LAMA5: variants seen among roughly 807,000 people sequenced by gnomAD.
LAMA5 encodes laminin subunit alpha-5.
LAMA5 carries 260 observed loss-of-function variants against 433.4 expected under a neutral mutation model. The ratio of observed to expected loss-of-function variants is 0.60; its 90% CI spans 0.54 to 0.66. The LOEUF (loss-of-function observed/expected upper bound fraction) is 0.66, where lower values mean the gene tolerates loss of function less well. Ranked by LOEUF, LAMA5 falls within the 30% of genes least tolerant of loss-of-function variation. The pLI is 0.00. For synonymous variants in LAMA5, 2,620 were observed against 2,226.6 expected, an observed-to-expected ratio of 1.18 and a Z score of -4.97; for missense variants, 5,378 against 5,258.5, an observed-to-expected ratio of 1.02 and a Z score of -0.70.
In LAMA5 at chr20:62,333,805, C is replaced by G. The variant is rs1177048614; in HGVS notation, c.2878+96G>C. 7 of 1,427,454 alleles carry G rather than the reference C, an allele frequency of 4.9e-6. No homozygotes were observed. The East Asian group carries it at 1.3e-4, about 27-fold the overall frequency. 88.4% of individuals were successfully genotyped at this position (1,427,454 alleles called of 1,614,324 possible). A position where few individuals can be genotyped will look rare whatever the true frequency, so the allele number is the denominator to read the frequency against. ...GGGGATAGGCTGGTCCTACCACCCA[C>G]ATGAGCCAGAGGAAGGTGGCGGGGC... On this transcript the variant is annotated intron_variant, in intron 23 of 79. Transcript: ENST00000252999.
chr20:62,328,483 C>A (rs1325821631), intron 34 of LAMA5, 38 bp from the exon 35 acceptor site: 2 of 1,449,924 alleles, frequency 1.4e-6, no homozygotes, highest in Non-Finnish European at 1.8e-6. Flanking sequence ...CCCCTCTTCC[C>A]AGTCCCGCCC....
chr20:62,361,418 C>T lies in LAMA5; in HGVS notation c.450+982G>A, dbSNP rs374711081. 1.7e-4 allele frequency among the ~76,000 whole-genome samples: 26 copies of T among 152,334 alleles called. No individual in the cohort carries two copies. The East Asian group carries it at 2.5e-3, about 15-fold the overall frequency. ...CCCTCCCCTCACTGCCTGCCCAGCC[C>T]GGGCCAGGCCTGCAGACCACCAAGG... On this transcript the variant is annotated intron_variant, in intron 2 of 79. Coordinates refer to ENST00000252999, the MANE Select transcript of LAMA5 (RefSeq NM_005560.6).
chr20:62,337,868 G>C lies in LAMA5; in HGVS notation c.1962C>G (p.Pro654=). ...CGAGGLCRCR[P]GYTGTACQEC... Reference sequence around the variant, plus strand: ...CCTGGCAGGCAGTGCCTGTGTAGCCGGGGCGGCAGCGGCACAAACCTCCCG... The same window carrying C: ...CCTGGCAGGCAGTGCCTGTGTAGCCCGGGCGGCAGCGGCACAAACCTCCCG... The change falls in exon 15 of 80, where the codon CCC becomes CCG. Residue 654 remains proline, a synonymous_variant. Coordinates refer to ENST00000252999, the MANE Select transcript of LAMA5 (RefSeq NM_005560.6). 2 of 1,612,572 alleles carry C rather than the reference G, an allele frequency of 1.2e-6. No homozygotes were observed. The highest frequency in any genetic ancestry group is 1.3e-5 in the African/African-American group (1 of 75,042).
chr20:62,330,416 C>T, intron 31 of LAMA5, 72 bp downstream of exon 31: 1 of 1,459,454 alleles, frequency 6.9e-7, no homozygotes, highest in Non-Finnish European at 9.1e-7. Flanking sequence ...GTAGCACAGG[C>T]CACGCTGTGG....
rs367723036 is a variant in LAMA5, at chr20:62,362,565, C to A, written c.298-13G>T. 2 of 1,520,396 alleles carry A rather than the reference C, an allele frequency of 1.3e-6. No individual in the cohort carries two copies. The highest frequency in any genetic ancestry group is 1.8e-6 in the Non-Finnish European group (2 of 1,129,030). The allele number at this position is 1,520,396 out of a possible 1,614,324, so 94.2% of individuals were successfully genotyped here. ...CACAGTACTGGCCCTGCAGAGGGAA[C>A]GGGAGGGTCAGATAGCCGAGAAGGG... is the stretch of plus-strand genomic sequence containing the variant. On this transcript the variant is annotated splice_polypyrimidine_tract_variant and intron_variant, in intron 1 of 79. Transcript: ENST00000252999.
chr20:62,340,307 T>G (rs1305898014), intron 11 of LAMA5, among the ~76,000 whole-genome samples: 3 of 66,784 alleles, frequency 4.5e-5, no homozygotes, highest in African/African-American at 2.0e-4. Context: ...CCTCCTTTGT[T>G]TTTTTTTTTT....
rs752360446 is a variant in LAMA5, at chr20:62,338,596, C to T, written c.1490G>A (p.Ser497Asn). 1.2e-6 allele frequency: 2 copies of T among 1,610,118 alleles called. No homozygotes were observed. Among genetic ancestry groups the T allele is most frequent in the Non-Finnish European group, 1.7e-6 (2 of 1,179,378 alleles). The change falls in exon 12 of 80, where the codon AGC becomes AAC. Residue 497 changes from serine to asparagine, a missense_variant. Transcript: ENST00000252999. ...GGCGTTGCCCTGGGTCCCTGCCGCG[C>T]TGCAGTCACAATCTGGAGGGTGGGG... ...PAGQIVNCDC[S>N]AAGTQGNACR...
In LAMA5 at chr20:62,333,667, G is replaced by A. The variant is rs548504646; in HGVS notation, c.2918C>T (p.Thr973Met). The A allele has an allele frequency of 2.3e-5, 37 of 1,595,120 alleles. No individual in the cohort carries two copies. Among genetic ancestry groups the A allele is most frequent in the East Asian group, 6.8e-5 (3 of 44,298 alleles). Residue 973 changes from threonine to methionine, a missense_variant, in exon 24 of 80, where the codon ACG becomes ATG. Physicochemically the swap from Thr to Met is moderately conservative, Grantham distance 81. Coordinates refer to ENST00000252999, the MANE Select transcript of LAMA5 (RefSeq NM_005560.6). Reference sequence around the variant, plus strand: ...GGGCACGGTGATGAAGGCAGGCTCCGTGCTGGGTGGGAAGGCCACGGGCTG... The same window carrying A: ...GGGCACGGTGATGAAGGCAGGCTCCATGCTGGGTGGGAAGGCCACGGGCTG... ...QSQPVAFPPS[T>M]EPAFITVPQR...
In LAMA5 at chr20:62,367,078, G is replaced by C; in HGVS notation, c.168C>G (p.Ala56=). ...CGCAGGTCGCGGAGGCGGCGATGCG[G>C]GCGCCCTCGGCCAGGTTGAAGTAGG... ...HPPYFNLAEG[A]RIAASATCGE... Residue 56 remains alanine, a synonymous_variant, in exon 1 of 80, where the codon GCC becomes GCG. Transcript: ENST00000252999. 7.9e-7 allele frequency: 1 copy of C among 1,260,908 alleles called. No individual in the cohort carries two copies. The allele number at this position is 1,260,908 out of a possible 1,614,324, so 78.1% of individuals were successfully genotyped here.
rs764269618 is a variant in LAMA5 at position 62,352,226 on chromosome 20, C to A, written c.687+16G>T. ...GTTCTCCAGCCCCCGTACCGCCCTG[C>A]CCCTCCCCGGCCCACCTCTCCGTTC... On this transcript the variant is annotated intron_variant, in intron 4 of 79. Transcript: ENST00000252999. 8 of 1,592,598 alleles carry A rather than the reference C, an allele frequency of 5.0e-6. No individual in the cohort carries two copies. The highest frequency in any genetic ancestry group is 4.4e-5 in the South Asian group (4 of 90,724).
Position 62,336,385 on chromosome 20 carries a change from G to C in LAMA5, c.2278C>G (p.Pro760Ala). The change falls in exon 18 of 80, where the codon CCT becomes GCT. Residue 760 changes from proline (P) to alanine (A), a missense_variant. Transcript: ENST00000252999. ...VEGPSCDRCK[P>A]GFWGLSPSNP... ...CTGGGGCTCAGTCCCCAGAACCCAG[G>C]TTTGCAGCGGTCACAGCTCGGCCCC... The C allele has an allele frequency of 6.2e-7, 1 of 1,612,574 alleles. No homozygotes were observed. Among genetic ancestry groups the C allele is most frequent in the South Asian group, 1.1e-5 (1 of 91,076 alleles).
Position 62,333,403 on chromosome 20 carries a change from G to A in LAMA5, c.3100C>T (p.Arg1034Cys), listed in dbSNP as rs369182419. ...TCGCCAGACTGCTGGGCAGAGGGAC[G>A]GTATGTGCAGGCCTCAGTCACCCGC... ...QLRVTEACTY[R>C]PSAQQSGDNC... Residue 1034 changes from arginine (R) to cysteine (C), a missense_variant, in exon 25 of 80, where the codon CGT becomes TGT. Arg to Cys is a radical substitution (Grantham distance 180, BLOSUM62 -3). Transcript: ENST00000252999. 4.3e-6 allele frequency: 7 copies of A among 1,612,692 alleles called. No individual in the cohort carries two copies. The highest frequency in any genetic ancestry group is 3.3e-4 in the Middle Eastern group (2 of 6,062).
At chr20:62,342,359 C>T in intron 11 of LAMA5, 4 of 319,022 alleles carry the variant, frequency 1.3e-5, no homozygotes, top group South Asian at 9.1e-5. Context: ...ACATTAAAAC[C>T]TTAATTTAAG....
intron 50 of LAMA5, among the ~76,000 whole-genome samples, chr20:62,320,061 G>A (rs931167091): frequency 6.6e-6 from 1 of 152,140 alleles, no homozygotes; most frequent in South Asian, 2.1e-4. Flanking sequence ...GCTCACGTCT[G>A]TAATCCCAGC....
chr20:62,349,325 T>TC (rs1376109702), intron 6 of LAMA5, among the ~76,000 whole-genome samples: 1 of 106,716 alleles, frequency 9.4e-6, no homozygotes, highest in Non-Finnish European at 2.0e-5. Context: ...AAAATCCCAA[T>TC]CCTCAACACA....
rs142429982 is a variant in LAMA5 at position 62,331,088 on chromosome 20, C to G, written c.3594G>C (p.Glu1198Asp). ...TGCAGCTGACCCGGGGCTCCACGAA[C>G]TCCGGGCTGAACTCCTCAATGGGCA... ...TLVPIEEFSP[E>D]FVEPRVSCIS... The change falls in exon 29 of 80, where the codon GAG becomes GAC. Residue 1198 changes from glutamate (E) to aspartate (D), a missense_variant. Physicochemically the swap from Glu to Asp is conservative, Grantham distance 45 (BLOSUM62 2). Coordinates refer to ENST00000252999, the MANE Select transcript of LAMA5 (RefSeq NM_005560.6). The G allele has an allele frequency of 6.9e-6, 11 of 1,604,506 alleles. No homozygotes were observed. In the African/African-American group the frequency reaches 1.3e-4, roughly 20 times the overall value.
At chr20:62,349,543 G>C (rs1235926733) in intron 6 of LAMA5, among the ~76,000 whole-genome samples, 2 of 148,626 alleles carry the variant, frequency 1.3e-5, no homozygotes, top group Non-Finnish European at 3.0e-5. Context: ...TATCATTCAA[G>C]AGGGAGGACA....
At chr20:62,345,941 G>A (rs1364576006) in intron 10 of LAMA5, 64 bp from the exon 11 acceptor site, 1 of 1,556,840 alleles carries the variant, frequency 6.4e-7, no homozygotes, top group Non-Finnish European at 8.7e-7. Flanking sequence ...TACACCCCCT[G>A]CCACCCTTGG....
In LAMA5 at chr20:62,324,737, C is replaced by T. The variant is rs942697767; in HGVS notation, c.5530-183G>A. The T allele has an allele frequency of 6.8e-6, 4 of 589,326 alleles. No individual in the cohort carries two copies. Among genetic ancestry groups the T allele is most frequent in the Non-Finnish European group, 1.2e-5 (4 of 326,454 alleles). The allele number at this position is 589,326 out of a possible 1,614,324, so 36.5% of individuals were successfully genotyped here. A position where few individuals can be genotyped will look rare whatever the true frequency, so the allele number is the denominator to read the frequency against. Reference sequence around the variant, plus strand: ...CTGGCCTCGGCCGGCTGGAGGTGGGCCAGCACCTGGCTGCTGTTTGAGGAC... The same window carrying T: ...CTGGCCTCGGCCGGCTGGAGGTGGGTCAGCACCTGGCTGCTGTTTGAGGAC... On this transcript the variant is annotated intron_variant, in intron 41 of 79. Coordinates refer to ENST00000252999, the MANE Select transcript of LAMA5 (RefSeq NM_005560.6). This position sits in a 1 kb window ranked among gnomAD's most constrained non-coding sequence, Gnocchi z 4.4.
Sources: gnomAD v4.1 joint callset for allele counts (sites outside exome capture counted in the v4.1 genomes callset) on GRCh38, gnomAD v4.1.1 for gene constraint, Gnocchi (gnomAD v3.1) non-coding constraint, MANE v1.5 for transcripts, NCBI Gene and HGNC (gene_info 2026-07-23, HGNC 2026-07-21) for gene names.